NEB: variants seen among roughly 807,000 people sequenced by gnomAD.
NEB encodes the protein nemaline myopathy type 2.
NEB carries 512 observed loss-of-function variants against 952.2 expected under a neutral mutation model. The ratio of observed to expected loss-of-function variants is 0.54; its 90% CI spans 0.50 to 0.58. NEB has a LOEUF of 0.58. NEB is among the 20% of genes least tolerant of loss of function. NEB has a pLI of 0.00. For missense variants in NEB, 8,428 were observed against 9,231.1 expected (o/e 0.91, Z 3.56); for synonymous variants, 2,900 against 3,149.8 (o/e 0.92, Z 2.66).
chr2:151,679,971 G>C lies in NEB; in HGVS notation c.3094C>G (p.Pro1032Ala). The C allele has an allele frequency of 6.2e-7, 1 of 1,613,782 alleles. No individual in the cohort carries two copies. The change falls in exon 31 of 182, where the codon CCA (proline) becomes GCA (alanine). Residue 1032 changes from proline to alanine, a missense_variant. Physicochemically the swap from Pro to Ala is conservative, Grantham distance 27. Transcript: ENST00000397345. ...GCCTGGATGAACTGGGGCAGGTCTG[G>C]TGGCAGGTTGTATTTGTGAATAATT... ...EEIIHKYNLP[P>A]DLPQFIQAKV...
Position 151,650,312 on chromosome 2 carries a change from G to A in NEB, c.7295C>T (p.Ala2432Val). ...IGWSPLGSLE[A>V]EKNKRASEII... ...TTCCGAAGCCCGCTTGTTCTTTTCT[G>A]CCTCTAAAGAACCCAAGGGACTCCA... The change falls in exon 54 of 182, where the codon GCA becomes GTA. Residue 2432 changes from alanine (A) to valine (V), a missense_variant. This residue lies in a region of NEB where 1,772 missense variants were observed against 1,960.3 expected (regional missense o/e 0.90). Coordinates refer to ENST00000397345, the MANE Select transcript of NEB (RefSeq NM_001164508.2). The A allele has an allele frequency of 6.2e-7, 1 of 1,613,784 alleles. No homozygotes were observed. Among genetic ancestry groups the A allele is most frequent in the Non-Finnish European group, 8.5e-7 (1 of 1,179,834 alleles).
intron 153 of NEB, 109 bp from the exon 154 acceptor site, chr2:151,519,877 T>C: frequency 2.9e-6 from 2 of 685,460 alleles, no homozygotes; most frequent in Non-Finnish European, 5.2e-6. Context: ...CATAGAGTGA[T>C]CATATAATCT....
At chr2:151,642,455 A>G in intron 60 of NEB, 119 bp downstream of exon 60, 7 of 825,764 alleles carry the variant, frequency 8.5e-6, no homozygotes, top group Non-Finnish European at 1.1e-5. Flanking sequence ...ATTCATCGAA[A>G]CAATAAACTG....
chr2:151,487,874 G>A (rs774779774), intron 181 of NEB, among the ~76,000 whole-genome samples: 2 of 152,082 alleles, frequency 1.3e-5, no homozygotes, highest in Non-Finnish European at 2.9e-5. Flanking sequence ...ACCTCCTAAA[G>A]TGCTGGGATT....
At chr2:151,522,459 C>T (rs895473989) in intron 153 of NEB, among the ~76,000 whole-genome samples, 1 of 152,184 alleles carries the variant, frequency 6.6e-6, no homozygotes. Flanking sequence ...TGATCAGTGT[C>T]AGCAACCTAA....
chr2:151,526,852 G>A (rs2086421049), intron 148 of NEB, 66 bp downstream of exon 148: 4 of 1,138,980 alleles, frequency 3.5e-6, no homozygotes, highest in Non-Finnish European at 5.2e-6. Context: ...TGGTGTCCCT[G>A]GGGACTGTAC....
At position 151,627,118 on chromosome 2, in the gene NEB, C is replaced by A. The variant is rs727504034; in HGVS notation, c.10231G>T (p.Ala3411Ser). The A allele has an allele frequency of 6.2e-7, 1 of 1,613,828 alleles. No homozygotes were observed. Among genetic ancestry groups the A allele is most frequent in the African/African-American group, 1.3e-5 (1 of 74,924 alleles). Residue 3411 changes from alanine to serine, a missense_variant, in exon 70 of 182, where the codon GCT becomes TCT. Ala to Ser is a moderately conservative substitution (Grantham distance 99, BLOSUM62 1). This residue lies in a region of NEB where 1,772 missense variants were observed against 1,960.3 expected (regional missense o/e 0.90). Coordinates refer to ENST00000397345, the MANE Select transcript of NEB (RefSeq NM_001164508.2). Reference protein sequence around the residue: ...SMDVVKCKRAAEILSDNIYRQ... With the variant: ...SMDVVKCKRASEILSDNIYRQ... ...TAGATGTTATCACTCAGTATTTCAG[C>A]AGCTCTCTTGCACTTGACCACATCC...
At chr2:151,549,582 A>T in intron 130 of NEB, 54 bp downstream of exon 130, 1 of 1,130,468 alleles carries the variant, frequency 8.8e-7, no homozygotes, top group Non-Finnish European at 1.3e-6. Context: ...AATTAATATG[A>T]GTCTCCTGCC....
intron 27 of NEB, 77 bp from the exon 28 acceptor site, chr2:151,685,052 A>C (rs2099483743): frequency 7.2e-7 from 1 of 1,383,616 alleles, no homozygotes. Flanking sequence ...TTTCATAAAC[A>C]ATAAATACAA....
chr2:151,563,757 T>G (rs2153720513), intron 118 of NEB, 38 bp from the exon 119 acceptor site: 1 of 1,605,708 alleles, frequency 6.2e-7, no homozygotes, highest in Middle Eastern at 1.7e-4. Flanking sequence ...CGCTGGAGTT[T>G]CCTAACCAGC....
intron 135 of NEB, among the ~76,000 whole-genome samples, chr2:151,541,852 T>A (rs961320210): frequency 6.6e-6 from 1 of 152,180 alleles, no homozygotes; most frequent in Non-Finnish European, 1.5e-5. Context: ...CCATCTCCTC[T>A]GTATCTTCCA....
intron 24 of NEB, chr2:151,690,390 C>T: frequency 4.8e-6 from 1 of 210,044 alleles, no homozygotes; most frequent in Non-Finnish European, 9.7e-6. Flanking sequence ...AAATATTTGC[C>T]TTGTCCTACA....
intron 181 of NEB, among the ~76,000 whole-genome samples, chr2:151,487,852 A>G (rs973868678): frequency 6.6e-6 from 1 of 152,282 alleles, no homozygotes; most frequent in East Asian, 1.9e-4. Flanking sequence ...CCTGGACTCA[A>G]GCAGTCCTCC....
At chr2:151,532,348 T>TGTTTTAC (rs1419702939) in intron 143 of NEB, among the ~76,000 whole-genome samples, 8 of 152,318 alleles carry the variant, frequency 5.3e-5, no homozygotes, top group Admixed American at 5.2e-4. Flanking sequence ...TGACAAATAT[T>TGTTTTAC]GTTTTACTCA....
intron 153 of NEB, among the ~76,000 whole-genome samples, chr2:151,522,153 A>C (rs1221168552): frequency 6.6e-6 from 1 of 152,170 alleles, no homozygotes; most frequent in Non-Finnish European, 1.5e-5. Flanking sequence ...ATTTTGCATT[A>C]ATTATATTTT....
chr2:151,668,288 C>T (rs2099244792), intron 39 of NEB, among the ~76,000 whole-genome samples: 1 of 152,056 alleles, frequency 6.6e-6, no homozygotes, highest in African/African-American at 2.4e-5. Context: ...TGAAGCATTT[C>T]AAGCTTATAG....
intron 162 of NEB, chr2:151,507,737 G>T (rs551070692): frequency 3.0e-5 from 11 of 369,604 alleles, no homozygotes; most frequent in African/African-American, 1.8e-4. Context: ...AGGGGTTTTC[G>T]CCATGAACCT....
chr2:151,713,408 C>G (rs115715574), intron 10 of NEB, among the ~76,000 whole-genome samples: 1,910 of 152,272 alleles, frequency 0.013, 45 homozygotes, highest in African/African-American at 0.043. Context: ...TTGACTCAAT[C>G]AAATCTCTTC....
intron 137 of NEB, 44 bp downstream of exon 137, chr2:151,540,653 T>A (rs531628640): frequency 6.5e-7 from 1 of 1,539,680 alleles, no homozygotes; most frequent in South Asian, 1.1e-5. Flanking sequence ...TAACAAAGTA[T>A]TTTTCTTTTT....
Sources: gnomAD v4.1 joint callset for allele counts (sites outside exome capture counted in the v4.1 genomes callset) on GRCh38, gnomAD v4.1.1 for gene constraint, gnomAD v4.1.1 regional missense constraint, MANE v1.5 for transcripts, NCBI Gene and HGNC (gene_info 2026-07-23, HGNC 2026-07-21) for gene names.